The following CCDC158 variants were observed in gnomAD, a reference collection of about 807,000 sequenced individuals.
CCDC158 encodes the protein coiled-coil domain containing 158, also known as coiled-coil domain-containing protein 158.
Under a neutral mutation model 138.6 loss-of-function variants are expected in CCDC158, and 116 were observed. The observed-to-expected ratio is 0.84, with a 90% CI of 0.72 to 0.98. The LOEUF (loss-of-function observed/expected upper bound fraction) is 0.98. Among genes scored for constraint, CCDC158 ranks in the 50% least tolerant of loss-of-function variants. CCDC158 has a pLI of 0.00. For synonymous variants in CCDC158, 436 were observed against 442.4 expected (o/e 0.99, Z 0.18); for missense variants, 1,265 against 1,306.1 (o/e 0.97, Z 0.48).
intron 1 of CCDC158, among the ~76,000 whole-genome samples, chr4:76,415,312 G>T (rs142921538): frequency 1.2e-4 from 19 of 152,238 alleles, no homozygotes; most frequent in African/African-American, 4.6e-4. Context: ...CCCGGGTACT[G>T]TTAAAGCCAT....
At chr4:76,408,598 TG>T (rs1729031100) in intron 2 of CCDC158, among the ~76,000 whole-genome samples, 1 of 152,212 alleles carries the variant, frequency 6.6e-6, no homozygotes, top group Non-Finnish European at 1.5e-5. Context: ...GTTGGACATT[TG>T]GGTTGGTTCC....
At chr4:76,360,034 G>T (rs1265246060) in intron 13 of CCDC158, among the ~76,000 whole-genome samples, 1 of 152,266 alleles carries the variant, frequency 6.6e-6, no homozygotes, top group Non-Finnish European at 1.5e-5. Flanking sequence ...GCTGCACTGT[G>T]CAGCCTTGGG....
intron 1 of CCDC158, among the ~76,000 whole-genome samples, chr4:76,419,281 A>G (rs999285037): frequency 2.0e-5 from 3 of 152,202 alleles, no homozygotes; most frequent in African/African-American, 7.2e-5. Flanking sequence ...ATAAATATAC[A>G]GTGATCTCCA....
At chr4:76,355,294 G>A (rs780929460) in intron 15 of CCDC158, 30 bp downstream of exon 15, 25 of 1,389,564 alleles carry the variant, frequency 1.8e-5, no homozygotes, top group Admixed American at 3.4e-5. Context: ...TGAACATGTT[G>A]GTTTCCCCAC....
At chr4:76,326,597 T>C (rs1395366624) in intron 22 of CCDC158, among the ~76,000 whole-genome samples, 1 of 151,980 alleles carries the variant, frequency 6.6e-6, no homozygotes, top group African/African-American at 2.4e-5. Flanking sequence ...TAAAAGCTGC[T>C]AAAACAAACC....
chr4:76,372,888 G>A (rs534168587), intron 9 of CCDC158, among the ~76,000 whole-genome samples: 80 of 151,728 alleles, frequency 5.3e-4, no homozygotes, highest in African/African-American at 1.6e-3. Context: ...TCGCCCTGTC[G>A]CCCAGGCTGG....
intron 18 of CCDC158, among the ~76,000 whole-genome samples, chr4:76,350,006 C>T (rs751561350): frequency 2.6e-5 from 4 of 152,090 alleles, no homozygotes; most frequent in Non-Finnish European, 5.9e-5. Context: ...TTTGTTGTTG[C>T]TTGATGTGCA....
At position 76,362,212 on chromosome 4, in the gene CCDC158, A is replaced by T; in HGVS notation, c.1934T>A (p.Leu645His). 1 of 1,614,142 alleles carries T rather than the reference A, an allele frequency of 6.2e-7. No homozygotes were observed. The highest frequency in any genetic ancestry group is 1.3e-5 in the African/African-American group (1 of 75,032). ...TTGTTTGATGTCCTTCACTGCACGG[A>T]GCCGCTCAGAGCCTGCATTCACCAG... ...VKLVNAGSER[L>H]RAVKDIKQER... Residue 645 changes from leucine (L) to histidine (H), a missense_variant, in exon 13 of 25, where the codon CTC (leucine) becomes CAC (histidine). Coordinates refer to ENST00000682701, the MANE Select transcript of CCDC158 (RefSeq NM_001394954.1).
At chr4:76,346,334 T>C (rs927072882) in intron 18 of CCDC158, among the ~76,000 whole-genome samples, 3 of 152,178 alleles carry the variant, frequency 2.0e-5, no homozygotes, top group African/African-American at 7.2e-5. Context: ...GGGCAAAGAC[T>C]TCATGACTAA....
chr4:76,336,039 G>A (rs964605370), intron 18 of CCDC158, among the ~76,000 whole-genome samples: 13 of 151,440 alleles, frequency 8.6e-5, no homozygotes, highest in Non-Finnish European at 1.5e-4. Context: ...AAAATTAGCC[G>A]GGCATGGTGG....
chr4:76,363,093 A>G (rs1396655931), intron 12 of CCDC158, among the ~76,000 whole-genome samples: 1 of 152,180 alleles, frequency 6.6e-6, no homozygotes, highest in Non-Finnish European at 1.5e-5. Flanking sequence ...CAGTGTGCCT[A>G]AACTGTTTGT....
chr4:76,320,023 G>A (rs954494375), intron 24 of CCDC158, among the ~76,000 whole-genome samples: 16 of 152,094 alleles, frequency 1.1e-4, no homozygotes, highest in African/African-American at 3.6e-4. Context: ...CTGATGATAT[G>A]ATCCTATGCC....
chr4:76,356,524 G>GGGC (rs1560417553), intron 14 of CCDC158: 1 of 152,086 alleles, frequency 6.6e-6, no homozygotes, highest in African/African-American at 2.4e-5. Context: ...TGGGGAGCAG[G>GGGC]GGCAGCAGAC....
intron 18 of CCDC158, among the ~76,000 whole-genome samples, chr4:76,341,542 A>G (rs1448071539): frequency 6.6e-6 from 1 of 152,254 alleles, no homozygotes; most frequent in African/African-American, 2.4e-5. Flanking sequence ...CAAGCACAGT[A>G]GTAACAAATT....
intron 4 of CCDC158, among the ~76,000 whole-genome samples, chr4:76,395,741 A>G (rs1289078278): frequency 6.6e-6 from 1 of 152,202 alleles, no homozygotes; most frequent in Non-Finnish European, 1.5e-5. Context: ...TGTGGCAGTA[A>G]TGAGTTTGAC....
intron 24 of CCDC158, among the ~76,000 whole-genome samples, chr4:76,318,539 A>G (rs556232382): frequency 6.6e-6 from 1 of 152,284 alleles, no homozygotes; most frequent in Admixed American, 6.5e-5. Context: ...CAACAAAAAG[A>G]AGTCCAAGAC....
intron 4 of CCDC158, among the ~76,000 whole-genome samples, chr4:76,389,885 G>A (rs1292818925): frequency 6.6e-6 from 1 of 152,050 alleles, no homozygotes; most frequent in Non-Finnish European, 1.5e-5. Flanking sequence ...AAACATGAAG[G>A]AAAAATAAAC....
In CCDC158 at chr4:76,357,371, T is replaced by C. The variant is rs1723674310; in HGVS notation, c.2173+3A>G. On this transcript the variant is annotated splice_donor_region_variant and intron_variant, in intron 14 of 24. Transcript: ENST00000682701. ...AAAAAATTTTAAATCTAACAGAGCA[T>C]ACCATGACCATCAGATCCTTCCATT... 8 of 1,526,568 alleles carry C rather than the reference T, an allele frequency of 5.2e-6. No individual in the cohort carries two copies. The East Asian group carries it at 7.1e-5, about 14-fold the overall frequency. 94.6% of individuals were successfully genotyped at this position (1,526,568 alleles called of 1,614,324 possible).
At chr4:76,322,154 A>G (rs1720080732) in intron 24 of CCDC158, among the ~76,000 whole-genome samples, 1 of 152,248 alleles carries the variant, frequency 6.6e-6, no homozygotes, top group East Asian at 1.9e-4. Flanking sequence ...TTAAAAAAAA[A>G]TGCTAAAACC....
Sources: allele counts gnomAD v4.1 joint callset (sites outside exome capture counted in the v4.1 genomes callset), GRCh38; gene constraint gnomAD v4.1.1; transcripts MANE v1.5; gene names NCBI Gene and HGNC (gene_info 2026-07-23, HGNC 2026-07-21).